Variants in DLG3 observed in about 807,000 individuals in gnomAD.
The protein encoded by DLG3 is discs large MAGUK scaffold protein 3.
A neutral mutation model predicts 64.1 loss-of-function variants in DLG3; 1 was observed. That is an observed-to-expected ratio of 0.02 (90% confidence interval 0.01 to 0.07). The LOEUF (loss-of-function observed/expected upper bound fraction) is 0.07, where lower values mean the gene tolerates loss of function less well. Among genes scored for constraint, DLG3 ranks in the 10% least tolerant of loss-of-function variants. The probability of loss-of-function intolerance (pLI) is 1.00; values close to 1 mark genes in which losing one functional copy is unlikely to be tolerated. For synonymous variants in DLG3, 245 were observed against 259.8 expected (o/e 0.94, Z 0.55); for missense variants, 429 against 669.5 (o/e 0.64, Z 3.96).
chrX:70,484,840 C>G lies in DLG3; in HGVS notation c.1520+5576C>G, dbSNP rs745836183. ...AGGTGCTCTTAACCTGCTCTCCATG[C>G]ACCTTTCTTCAAGATACACCAGGGA... On this transcript the variant is annotated intron_variant, in intron 10 of 18. Transcript: ENST00000374360. Among the ~76,000 whole-genome samples the G allele has an allele frequency of 3.6e-5, 4 of 111,885 alleles. No homozygotes were observed. In the South Asian group the frequency reaches 1.5e-3, roughly 42 times the overall value.
chrX:70,491,961 G>C, intron 10 of DLG3, 146 bp from the exon 11 acceptor site: 1 of 573,980 alleles, frequency 1.7e-6, no homozygotes, highest in East Asian at 3.6e-5. Flanking sequence ...TCAGAAAGAA[G>C]GATGTGGTCT....
At chrX:70,451,762 G>C (rs770005059) in intron 6 of DLG3, 105 bp from the exon 7 acceptor site, 2 of 970,648 alleles carry the variant, frequency 2.1e-6, no homozygotes, top group Non-Finnish European at 2.9e-6. Context: ...AGCATCCCTT[G>C]GTCTCTTTTG....
chrX:70,452,688 G>C lies in DLG3; in HGVS notation c.1145+662G>C, dbSNP rs1367892659. On this transcript the variant is annotated intron_variant, in intron 7 of 18. Coordinates refer to ENST00000374360, the MANE Select transcript of DLG3 (RefSeq NM_021120.4). ...GGGCTTGGGCTCCGCCTCCGCTTCG[G>C]CCTGGAGGAGGGCTTCGCAGAGGTG... 5.8e-6 allele frequency: 7 copies of C among 1,201,597 alleles called. No homozygotes were observed. The highest frequency in any genetic ancestry group is 7.9e-6 in the Non-Finnish European group (7 of 891,506).
chrX:70,447,713 G>T (rs2086582366), intron 1 of DLG3, among the ~76,000 whole-genome samples: 1 of 112,385 alleles, frequency 8.9e-6, no homozygotes, highest in African/African-American at 3.2e-5. Context: ...GGTACCTGGG[G>T]AGACAGGCAA....
intron 9 of DLG3, among the ~76,000 whole-genome samples, chrX:70,460,539 G>A (rs1195505991): frequency 8.9e-6 from 1 of 112,270 alleles, no homozygotes; most frequent in Non-Finnish European, 1.9e-5. Flanking sequence ...GATATTAATG[G>A]AATAAGCAAG....
intron 5 of DLG3, 146 bp downstream of exon 5, chrX:70,450,451 C>T: frequency 1.1e-6 from 1 of 940,504 alleles, no homozygotes. Flanking sequence ...TGCCCAGATA[C>T]AAAGGCCCTA....
chrX:70,472,767 T>A (rs2086991640), intron 9 of DLG3, among the ~76,000 whole-genome samples: 1 of 111,984 alleles, frequency 8.9e-6, no homozygotes, highest in Non-Finnish European at 1.9e-5. Flanking sequence ...CTCTCCACAG[T>A]AGCCAAAGTG....
At chrX:70,487,704 T>C (rs1252271444) in intron 10 of DLG3, among the ~76,000 whole-genome samples, 4 of 112,409 alleles carry the variant, frequency 3.6e-5, no homozygotes, top group Non-Finnish European at 7.5e-5. Flanking sequence ...CAGGCTGGAG[T>C]GCAATGGCGC....
Position 70,479,282 on chromosome X carries a change from G to A in DLG3, c.1520+18G>A, listed in dbSNP as rs187646327. 6.7e-4 allele frequency: 751 copies of A among 1,127,729 alleles called. 7 individuals are homozygous for A. The East Asian group carries it at 0.02, about 29-fold the overall frequency. The allele number at this position is 1,127,729 out of a possible 1,213,427, so 92.9% of individuals were successfully genotyped here. A position where few individuals can be genotyped will look rare whatever the true frequency, so the allele number is the denominator to read the frequency against. ...TATGTCAGGTAAGTTGCCCTTCAGAGCACTAGCCCTTGTGCTGGACGAGGA... is the reference window on the plus strand; with the variant it reads ...TATGTCAGGTAAGTTGCCCTTCAGAACACTAGCCCTTGTGCTGGACGAGGA... On this transcript the variant is annotated intron_variant, in intron 10 of 18. Coordinates refer to ENST00000374360, the MANE Select transcript of DLG3 (RefSeq NM_021120.4).
intron 10 of DLG3, among the ~76,000 whole-genome samples, chrX:70,488,652 G>A (rs1602966900): frequency 8.9e-6 from 1 of 112,247 alleles, no homozygotes; most frequent in African/African-American, 3.2e-5. Flanking sequence ...AAATACTAGA[G>A]CTGGAAAGAA....
chrX:70,502,114 G>A (rs2087575932), intron 18 of DLG3, 49 bp from the exon 19 acceptor site: 2 of 976,425 alleles, frequency 2.0e-6, no homozygotes, highest in Admixed American at 2.3e-5. Flanking sequence ...TGGGTTTGGG[G>A]GATGTGCTAT....
chrX:70,471,422 T>C (rs1189858827), intron 9 of DLG3, among the ~76,000 whole-genome samples: 2 of 108,407 alleles, frequency 1.8e-5, no homozygotes, highest in Admixed American at 9.9e-5. Flanking sequence ...CTCCGCCTCC[T>C]GGGTTCACAC....
intron 10 of DLG3, among the ~76,000 whole-genome samples, chrX:70,489,245 A>T (rs1480345166): frequency 8.9e-6 from 1 of 112,324 alleles, no homozygotes; most frequent in Non-Finnish European, 1.9e-5. Context: ...ATCTGTGTTT[A>T]TATTGTTTTT....
At chrX:70,472,754 A>G (rs931178122) in intron 9 of DLG3, among the ~76,000 whole-genome samples, 5 of 111,934 alleles carry the variant, frequency 4.5e-5, no homozygotes, top group Non-Finnish European at 7.5e-5. Flanking sequence ...CACTTCACTT[A>G]TTCTCTCCAC....
chrX:70,454,356 T>C (rs1457779394), intron 9 of DLG3, 40 bp downstream of exon 9: 2 of 1,122,370 alleles, frequency 1.8e-6, no homozygotes, highest in Non-Finnish European at 1.2e-6. Context: ...TGTGGGGGAG[T>C]TAGACTTATA....
At chrX:70,463,603 T>C (rs1359579663) in intron 9 of DLG3, among the ~76,000 whole-genome samples, 1 of 112,073 alleles carries the variant, frequency 8.9e-6, no homozygotes, top group Non-Finnish European at 1.9e-5. Flanking sequence ...TTTTGTAAAA[T>C]ATATCGGTTT....
intron 9 of DLG3, among the ~76,000 whole-genome samples, chrX:70,457,999 C>T (rs2086744948): frequency 1.8e-5 from 2 of 111,833 alleles, no homozygotes; most frequent in African/African-American, 6.5e-5. Context: ...CCTCAGCCTC[C>T]TGAGTAGCTG....
intron 9 of DLG3, among the ~76,000 whole-genome samples, chrX:70,459,897 A>G (rs923822708): frequency 1.8e-5 from 2 of 111,166 alleles, no homozygotes; most frequent in African/African-American, 6.5e-5. Context: ...TCACCAGGCC[A>G]CAACTATCTC....
rs1874508801 is a variant in DLG3 at position 70,499,746 on chromosome X, C to T, written c.1973-131C>T. The T allele has an allele frequency of 6.4e-6, 4 of 625,227 alleles. No individual in the cohort carries two copies. In the African/African-American group the frequency reaches 6.6e-5, roughly 10 times the overall value. 51.5% of individuals were successfully genotyped at this position (625,227 alleles called of 1,213,427 possible). On this transcript the variant is annotated intron_variant, in intron 15 of 18. Transcript: ENST00000374360. Reference sequence around the variant, plus strand: ...AAACCGCTTCCCAACTGCTTGTTTTCTCCCACTTACTTGAAAAAAAAAATG... The same window carrying T: ...AAACCGCTTCCCAACTGCTTGTTTTTTCCCACTTACTTGAAAAAAAAAATG...
Sources: allele counts gnomAD v4.1 joint callset (sites outside exome capture counted in the v4.1 genomes callset), GRCh38; gene constraint gnomAD v4.1.1; transcripts MANE v1.5; gene names NCBI Gene and HGNC (gene_info 2026-07-23, HGNC 2026-07-21).